RNF152: variants seen among roughly 807,000 people sequenced by gnomAD.
The protein encoded by RNF152 is E3 ubiquitin-protein ligase RNF152.
RNF152 carries 11 observed loss-of-function variants against 12.7 expected under a neutral mutation model. The observed-to-expected ratio is 0.86, with a 90% CI of 0.54 to 1.43. The LOEUF (loss-of-function observed/expected upper bound fraction) is 1.43. Ranked by LOEUF, RNF152 falls within the 40% of genes most tolerant of loss-of-function variation. The pLI is 0.00. For missense variants in RNF152, 255 were observed against 274.8 expected (o/e 0.93, Z 0.51); for synonymous variants, 113 against 120.3 (o/e 0.94, Z 0.40).
rs141388364 is a variant in RNF152 at position 61,882,158 on chromosome 18, C to T, written c.-136+10637G>A. On this transcript the variant is annotated intron_variant, in intron 1 of 1. Transcript: ENST00000312828. ...GATTTTCAGATGTGGAATGCTCAAC[C>T]AGTAAATATAATGTTTGAATATTAA... Among the ~76,000 whole-genome samples, 813 of 152,142 alleles carry T rather than the reference C, an allele frequency of 5.3e-3. 10 individuals carry two copies. Among genetic ancestry groups the T allele is most frequent in the African/African-American group, 0.019 (785 of 41,488 alleles).
At chr18:61,884,359 G>A (rs1394797500) in intron 1 of RNF152, among the ~76,000 whole-genome samples, 1 of 151,800 alleles carries the variant, frequency 6.6e-6, no homozygotes, top group African/African-American at 2.4e-5. Flanking sequence ...AGCCATGTAA[G>A]GCAGGCATAT....
chr18:61,867,931 T>C (rs1258642655), intron 1 of RNF152, among the ~76,000 whole-genome samples: 2 of 152,212 alleles, frequency 1.3e-5, no homozygotes, highest in Non-Finnish European at 2.9e-5. Flanking sequence ...TTTACTATTA[T>C]GTAAATTTAA....
rs8087731 is a variant in RNF152, at chr18:61,813,280, A to T, written c.*2572T>A. On this transcript the variant is annotated 3_prime_UTR_variant, in exon 2 of 2. Coordinates refer to ENST00000312828, the MANE Select transcript of RNF152 (RefSeq NM_173557.3). ...GATTCTCTCTCTCTCTCTCTCTCTC[A>T]CACACACACACACACACACACACAC... The T allele has an allele frequency of 0.63, 72,037 of 114,456 alleles. 19,075 individuals carry two copies. Among genetic ancestry groups the T allele is most frequent in the East Asian group, 0.75 (3,224 of 4,322 alleles). The allele number at this position is 114,456 out of a possible 1,614,324, so 7.1% of individuals were successfully genotyped here.
chr18:61,844,329 T>C (rs910601167), intron 1 of RNF152, among the ~76,000 whole-genome samples: 2 of 152,176 alleles, frequency 1.3e-5, no homozygotes, highest in African/African-American at 4.8e-5. Flanking sequence ...TCATTTTGTA[T>C]GAAAGCCAAA....
At chr18:61,852,659 A>T (rs946294959) in intron 1 of RNF152, among the ~76,000 whole-genome samples, 2 of 152,174 alleles carry the variant, frequency 1.3e-5, no homozygotes, top group Non-Finnish European at 2.9e-5. Context: ...GGAGAGATTT[A>T]AAAAATTCCA....
At chr18:61,864,806 AC>A (rs1911655897) in intron 1 of RNF152, among the ~76,000 whole-genome samples, 1 of 152,270 alleles carries the variant, frequency 6.6e-6, no homozygotes, top group East Asian at 1.9e-4. Context: ...CAGGTGGATC[AC>A]CTGAGGTCTG....
chr18:61,854,603 T>C (rs567556026), intron 1 of RNF152, among the ~76,000 whole-genome samples: 18 of 152,306 alleles, frequency 1.2e-4, no homozygotes, highest in African/African-American at 4.3e-4. Flanking sequence ...TAGTCATCTT[T>C]TGAACGAGGT....
rs1428430344 is a variant in RNF152, at chr18:61,813,307, CACACACACAT to C, written c.*2535_*2544del. 1.1e-4 allele frequency: 10 copies of C among 92,410 alleles called. No individual in the cohort carries two copies. The highest frequency in any genetic ancestry group is 2.5e-4 in the African/African-American group (9 of 35,792). The allele number at this position is 92,410 out of a possible 1,614,324, so 5.7% of individuals were successfully genotyped here. A position where few individuals can be genotyped will look rare whatever the true frequency, so the allele number is the denominator to read the frequency against. On this transcript the variant is annotated 3_prime_UTR_variant, in exon 2 of 2. Transcript: ENST00000312828. ...ACACACACACACACACACACACACA[CACACACACAT>C]ACACAAGAATGCACACCCCAACAAA...
At position 61,815,941 on chromosome 18, in the gene RNF152, C is replaced by T. The variant is rs1909048840; in HGVS notation, c.523G>A (p.Val175Met). ...AGGAGGAAGACCAAGACGCAAGCCA[C>T]CAAGATGACAGTGCACACCCCCGAC... ...TWSGVCTVIL[V>M]ACVLVFLLGI... is the part of the protein sequence containing the mutation. Residue 175 changes from valine to methionine, a missense_variant, in exon 2 of 2, where the codon GTG becomes ATG. Val to Met is a conservative substitution (Grantham distance 21). Coordinates refer to ENST00000312828, the MANE Select transcript of RNF152 (RefSeq NM_173557.3). 1 of 1,614,224 alleles carries T rather than the reference C, an allele frequency of 6.2e-7. No individual in the cohort carries two copies. Among genetic ancestry groups the T allele is most frequent in the African/African-American group, 1.3e-5 (1 of 75,070 alleles).
At chr18:61,878,378 C>A (rs916037706) in intron 1 of RNF152, among the ~76,000 whole-genome samples, 1 of 152,192 alleles carries the variant, frequency 6.6e-6, no homozygotes, top group African/African-American at 2.4e-5. Context: ...TTCTGGTGAG[C>A]ATCTAGCCAG....
At chr18:61,823,813 G>A (rs1909531481) in intron 1 of RNF152, among the ~76,000 whole-genome samples, 1 of 152,200 alleles carries the variant, frequency 6.6e-6, no homozygotes, top group African/African-American at 2.4e-5. Flanking sequence ...TGCCAGCACA[G>A]CCCACTAGGT....
At position 61,809,913 on chromosome 18, in the gene RNF152, A is replaced by G. The variant is rs2144594782; in HGVS notation, c.*5939T>C. On this transcript the variant is annotated 3_prime_UTR_variant, in exon 2 of 2. Coordinates refer to ENST00000312828, the MANE Select transcript of RNF152 (RefSeq NM_173557.3). ...CGACTGAGCAAGAAAATTTGTGCAG[A>G]AAAATGGGAACCAAATTGCAGGGAT... 1 of 151,878 alleles carries G rather than the reference A, an allele frequency of 6.6e-6. No individual in the cohort carries two copies. The highest frequency in any genetic ancestry group is 3.5e-3 in the Middle Eastern group (1 of 286). The allele number at this position is 151,878 out of a possible 1,614,324, so 9.4% of individuals were successfully genotyped here.
Position 61,808,419 on chromosome 18 carries a change from AAAAT to A in RNF152, c.*7429_*7432del, listed in dbSNP as rs1912793726. ...AAAAAAAAAAAAAAAAAAAGCTCCT[AAAAT>A]AAATAATCCACATAATTGTAAATGA... On this transcript the variant is annotated 3_prime_UTR_variant, in exon 2 of 2. Coordinates refer to ENST00000312828, the MANE Select transcript of RNF152 (RefSeq NM_173557.3). The A allele has an allele frequency of 6.8e-6, 1 of 146,840 alleles. No homozygotes were observed. Among genetic ancestry groups the A allele is most frequent in the African/African-American group, 2.5e-5 (1 of 39,438 alleles). 9.1% of individuals were successfully genotyped at this position (146,840 alleles called of 1,614,324 possible).
At chr18:61,861,593 G>T (rs1376534934) in intron 1 of RNF152, among the ~76,000 whole-genome samples, 1 of 152,204 alleles carries the variant, frequency 6.6e-6, no homozygotes, top group Non-Finnish European at 1.5e-5. Flanking sequence ...AGTCCATTTA[G>T]TGTTGCTAGA....
chr18:61,818,087 T>C (rs967622680), intron 1 of RNF152, among the ~76,000 whole-genome samples: 2 of 152,142 alleles, frequency 1.3e-5, no homozygotes, highest in African/African-American at 4.8e-5. Flanking sequence ...CACTCCCCCA[T>C]CATGATATAT....
intron 1 of RNF152, among the ~76,000 whole-genome samples, chr18:61,875,517 T>A (rs914034692): frequency 6.6e-6 from 1 of 152,194 alleles, no homozygotes; most frequent in African/African-American, 2.4e-5. Context: ...CTTCTCTCCC[T>A]GGTGGCAAGG....
rs1909010193 is a variant in RNF152, at chr18:61,815,347, GC to G, written c.*504del. ...TGGTGCCATTCAAAATGTATTAAAA[GC>G]CTTAGCAACTAAATGAAGACTGGGT... On this transcript the variant is annotated 3_prime_UTR_variant, in exon 2 of 2. Transcript: ENST00000312828. 6.6e-6 allele frequency: 1 copy of G among 152,042 alleles called. No individual in the cohort carries two copies. The highest frequency in any genetic ancestry group is 1.5e-5 in the Non-Finnish European group (1 of 68,244). The allele number at this position is 152,042 out of a possible 1,614,324, so 9.4% of individuals were successfully genotyped here.
At chr18:61,833,768 C>T (rs1910057539) in intron 1 of RNF152, among the ~76,000 whole-genome samples, 1 of 152,044 alleles carries the variant, frequency 6.6e-6, no homozygotes, top group Non-Finnish European at 1.5e-5. Flanking sequence ...AGCATTCTGA[C>T]AACAATTTGA....
intron 1 of RNF152, among the ~76,000 whole-genome samples, chr18:61,831,929 G>A (rs1286583283): frequency 4.0e-5 from 6 of 151,782 alleles, no homozygotes; most frequent in Admixed American, 3.9e-4. Flanking sequence ...GTGTGGGGGG[G>A]TGTGGGTGTG....
Sources: allele counts gnomAD v4.1 joint callset (sites outside exome capture counted in the v4.1 genomes callset), GRCh38; gene constraint gnomAD v4.1.1; transcripts MANE v1.5; gene names NCBI Gene and HGNC (gene_info 2026-07-23, HGNC 2026-07-21).